Variants in DUSP22 observed in about 807,000 individuals in gnomAD.
The protein encoded by DUSP22 is dual specificity protein phosphatase 22.
DUSP22 carries 24 observed loss-of-function variants against 24.5 expected under a neutral mutation model. The observed-to-expected ratio is 0.98, with a 90% confidence interval of 0.71 to 1.38. The LOEUF (loss-of-function observed/expected upper bound fraction) is 1.38. Ranked by LOEUF, DUSP22 falls within the 40% of genes most tolerant of loss-of-function variation. DUSP22 has a pLI of 0.00. For missense variants in DUSP22, 330 were observed against 269.2 expected, an observed-to-expected ratio of 1.23 and a Z score of -1.58; for synonymous variants, 160 against 106.4, an observed-to-expected ratio of 1.50 and a Z score of -3.10.
chr6:350,404 C>T lies in DUSP22; in HGVS notation c.*1453C>T, dbSNP rs1760140025. ...ATGCAGAGTCACTCGAATGAAAAAA[C>T]ATACTCGACCTCTCCCTAAAAAGAT... On this transcript the variant is annotated 3_prime_UTR_variant, in exon 7 of 7. Transcript: ENST00000419235. The T allele has an allele frequency of 9.1e-7, 1 of 1,095,612 alleles. No homozygotes were observed. The highest frequency in any genetic ancestry group is 4.9e-5 in the Admixed American group (1 of 20,584). 67.9% of individuals were successfully genotyped at this position (1,095,612 alleles called of 1,614,324 possible).
At chr6:301,579 G>T (rs895820653) in intron 1 of DUSP22, among the ~76,000 whole-genome samples, 5 of 152,300 alleles carry the variant, frequency 3.3e-5, no homozygotes, top group Non-Finnish European at 5.9e-5. Flanking sequence ...AGAGGAATGA[G>T]TTCAGTGTTT....
chr6:347,924 G>A (rs1209005823), intron 5 of DUSP22, among the ~76,000 whole-genome samples, 179 bp from the exon 6 acceptor site: 4 of 152,412 alleles, frequency 2.6e-5, no homozygotes, highest in African/African-American at 7.2e-5. Context: ...AGGAAGCATA[G>A]GGAGCTGGTA....
At chr6:330,792 C>T (rs1291901607) in intron 3 of DUSP22, among the ~76,000 whole-genome samples, 2 of 152,308 alleles carry the variant, frequency 1.3e-5, no homozygotes, top group African/African-American at 2.4e-5. Context: ...AAACACAAAA[C>T]CTTCACTAGA....
rs906326687 is a variant in DUSP22, at chr6:334,625, C to A, written c.139-489C>A. On this transcript the variant is annotated intron_variant, in intron 3 of 6. Coordinates refer to ENST00000419235, the MANE Select transcript of DUSP22 (RefSeq NM_001286555.3). ...CCCCAGGGTAAAGCTCGTATTGGTG[C>A]GTCAGTGAAATTGTAGCTGTCATGG... is the stretch of plus-strand genomic sequence containing the variant. Among the ~76,000 whole-genome samples, 4 of 152,416 alleles carry A rather than the reference C, an allele frequency of 2.6e-5. No homozygotes were observed. In the South Asian group the frequency reaches 8.3e-4, roughly 32 times the overall value.
intron 5 of DUSP22, among the ~76,000 whole-genome samples, chr6:346,357 C>G (rs568456334): frequency 6.6e-6 from 1 of 152,284 alleles, no homozygotes; most frequent in Non-Finnish European, 1.5e-5. Context: ...TTTTCAGTAT[C>G]GCGCTACTGT....
At chr6:346,058 G>C in intron 5 of DUSP22, 130 bp downstream of exon 5, 1 of 1,172,042 alleles carries the variant, frequency 8.5e-7, no homozygotes, top group Admixed American at 2.2e-5. Context: ...ACTCTCAAAC[G>C]CGTGCTCCAT....
At chr6:315,778 G>C (rs1381099308) in intron 3 of DUSP22, among the ~76,000 whole-genome samples, 2 of 152,302 alleles carry the variant, frequency 1.3e-5, no homozygotes, top group Non-Finnish European at 2.9e-5. Flanking sequence ...TTCATTTCTT[G>C]AGCTCCTCCT....
rs534062418 is a variant in DUSP22, at chr6:350,793, T to A, written c.*1842T>A. The A allele has an allele frequency of 1.2e-6, 2 of 1,614,248 alleles. No homozygotes were observed. The highest frequency in any genetic ancestry group is 2.2e-5 in the South Asian group (2 of 91,072). Reference sequence around the variant, plus strand: ...AGTTCTTGAAATGTTGTTTTAATATTTGTTGCCAGTAATGTTCTTTCTTCA... The same window carrying A: ...AGTTCTTGAAATGTTGTTTTAATATATGTTGCCAGTAATGTTCTTTCTTCA... On this transcript the variant is annotated 3_prime_UTR_variant, in exon 7 of 7. Coordinates refer to ENST00000419235, the MANE Select transcript of DUSP22 (RefSeq NM_001286555.3).
intron 1 of DUSP22, among the ~76,000 whole-genome samples, chr6:295,398 C>T (rs866150539): frequency 1.4e-4 from 22 of 152,372 alleles, no homozygotes; most frequent in South Asian, 4.1e-4. Flanking sequence ...ATATTGTGCC[C>T]GTTTCCGTTA....
rs1760151253 is a variant in DUSP22 at position 350,574 on chromosome 6, C to T, written c.*1623C>T. On this transcript the variant is annotated 3_prime_UTR_variant, in exon 7 of 7. Transcript: ENST00000419235. The stretch of plus-strand genomic sequence containing the variant: ...AGTTGCCTGATTCCGCGCAGGTGCA[C>T]AGGCCCCGGATGTACACCCGGAAAG... 1.4e-6 allele frequency: 2 copies of T among 1,400,338 alleles called. No homozygotes were observed. Among genetic ancestry groups the T allele is most frequent in the Non-Finnish European group, 1.9e-6 (2 of 1,080,520 alleles). The allele number at this position is 1,400,338 out of a possible 1,614,324, so 86.7% of individuals were successfully genotyped here.
chr6:319,358 T>C lies in DUSP22; in HGVS notation c.138+7396T>C, dbSNP rs532816324. Among the ~76,000 whole-genome samples the C allele has an allele frequency of 6.6e-5, 10 of 152,420 alleles. No individual in the cohort carries two copies. In the East Asian group the frequency reaches 1.9e-3, roughly 29 times the overall value. On this transcript the variant is annotated intron_variant, in intron 3 of 6. Transcript: ENST00000419235. ...ATAGATGCATGTGTGATGCATGATG[T>C]CAGGCAAGCTACATCCTGTTGTCCA... is the stretch of plus-strand genomic sequence containing the variant.
At chr6:296,569 G>A (rs1339185706) in intron 1 of DUSP22, among the ~76,000 whole-genome samples, 2 of 152,304 alleles carry the variant, frequency 1.3e-5, no homozygotes, top group Non-Finnish European at 2.9e-5. Flanking sequence ...AAAACTCCTA[G>A]TTGACTCAAA....
At chr6:294,966 C>T (rs1396364246) in intron 1 of DUSP22, among the ~76,000 whole-genome samples, 1 of 152,276 alleles carries the variant, frequency 6.6e-6, no homozygotes, top group African/African-American at 2.4e-5. Flanking sequence ...AGGAACTACC[C>T]CAAATCACAA....
chr6:328,258 C>T (rs1223353376), intron 3 of DUSP22, among the ~76,000 whole-genome samples: 2 of 152,296 alleles, frequency 1.3e-5, no homozygotes, highest in Non-Finnish European at 2.9e-5. Context: ...TCAGCAAGTC[C>T]TGCAGCTGAA....
chr6:293,570 CTG>C (rs1757191764), intron 1 of DUSP22, among the ~76,000 whole-genome samples: 2 of 152,290 alleles, frequency 1.3e-5, no homozygotes, highest in South Asian at 4.1e-4. Flanking sequence ...GGCAATGTGG[CTG>C]TGTTTTTTTT....
intron 3 of DUSP22, among the ~76,000 whole-genome samples, chr6:320,768 G>A (rs573699944): frequency 1.2e-3 from 188 of 152,352 alleles, no homozygotes; most frequent in Non-Finnish European, 1.7e-3. Context: ...AGGTCAGGGA[G>A]GGGGAGATGA....
At chr6:293,770 G>C (rs1323488693) in intron 1 of DUSP22, among the ~76,000 whole-genome samples, 1 of 149,002 alleles carries the variant, frequency 6.7e-6, no homozygotes, top group Non-Finnish European at 1.5e-5. Flanking sequence ...CAATACTGGG[G>C]TATTTTGGTA....
chr6:305,990 A>G (rs1757800187), intron 2 of DUSP22, among the ~76,000 whole-genome samples: 1 of 152,312 alleles, frequency 6.6e-6, no homozygotes, highest in South Asian at 2.1e-4. Flanking sequence ...CCAGCTCACT[A>G]TTAGGCCTCA....
intron 2 of DUSP22, among the ~76,000 whole-genome samples, chr6:309,602 C>A (rs1268962574): frequency 6.6e-6 from 1 of 152,272 alleles, no homozygotes; most frequent in Non-Finnish European, 1.5e-5. Flanking sequence ...ATGGAGATTC[C>A]TCAGCCCCAG....
Sources: allele counts gnomAD v4.1 joint callset (sites outside exome capture counted in the v4.1 genomes callset), GRCh38; gene constraint gnomAD v4.1.1; transcripts MANE v1.5; gene names NCBI Gene and HGNC (gene_info 2026-07-23, HGNC 2026-07-21).